The following PIP4P2 variants were observed in gnomAD, a reference collection of about 807,000 sequenced individuals.
The protein encoded by PIP4P2 is phosphatidylinositol-4,5-bisphosphate 4-phosphatase 2.
Under a neutral mutation model 33.3 loss-of-function variants are expected in PIP4P2, and 19 were observed. The ratio of observed to expected loss-of-function variants is 0.57; its 90% CI spans 0.40 to 0.84. The LOEUF (loss-of-function observed/expected upper bound fraction) is 0.84. Ranked by LOEUF, PIP4P2 falls within the 40% of genes least tolerant of loss-of-function variation. The pLI, the probability that PIP4P2 is intolerant of heterozygous loss-of-function variation, is 0.00. For missense variants in PIP4P2, 270 were observed against 324.7 expected, an observed-to-expected ratio of 0.83 and a Z score of 1.29; for synonymous variants, 110 against 111.9, an observed-to-expected ratio of 0.98 and a Z score of 0.11.
At chr8:91,016,467 C>G (rs1811915843) in intron 4 of PIP4P2, 1 of 152,106 alleles carries the variant, frequency 6.6e-6, no homozygotes. Context: ...TCAAAAGGAT[C>G]AGGTATCACA....
chr8:91,025,169 G>A (rs1334891022), intron 1 of PIP4P2, among the ~76,000 whole-genome samples: 1 of 151,468 alleles, frequency 6.6e-6, no homozygotes, highest in East Asian at 2.0e-4. Context: ...TTAAGAGGAA[G>A]AGGAGAAGGA....
chr8:91,001,239 T>C (rs1008060466), intron 5 of PIP4P2, among the ~76,000 whole-genome samples: 7 of 152,074 alleles, frequency 4.6e-5, no homozygotes, highest in African/African-American at 1.7e-4. Flanking sequence ...TCCACCAATA[T>C]TCAGATTTCT....
At chr8:91,019,878 A>G (rs1323281198) in intron 3 of PIP4P2, among the ~76,000 whole-genome samples, 1 of 152,182 alleles carries the variant, frequency 6.6e-6, no homozygotes, top group East Asian at 1.9e-4. Flanking sequence ...TTATTTTTAA[A>G]TACGTTCAAT....
chr8:91,005,973 G>A (rs1403801275), intron 5 of PIP4P2, among the ~76,000 whole-genome samples: 2 of 152,202 alleles, frequency 1.3e-5, no homozygotes, highest in Non-Finnish European at 1.5e-5. Context: ...ACAGCAATAT[G>A]AGAAAATGCC....
intron 1 of PIP4P2, among the ~76,000 whole-genome samples, chr8:91,035,841 C>G (rs957204823): frequency 2.6e-5 from 4 of 152,060 alleles, no homozygotes; most frequent in African/African-American, 9.7e-5. Flanking sequence ...CCAGCCTGGG[C>G]AAGCTGGTGA....
chr8:90,997,852 T>C (rs1811649042), intron 5 of PIP4P2, among the ~76,000 whole-genome samples: 1 of 152,096 alleles, frequency 6.6e-6, no homozygotes, highest in African/African-American at 2.4e-5. Flanking sequence ...TGATTCCAAA[T>C]AGGTTAATTT....
At chr8:91,024,232 T>C (rs1246986954) in intron 1 of PIP4P2, 1 of 360,266 alleles carries the variant, frequency 2.8e-6, no homozygotes, top group African/African-American at 2.1e-5. Flanking sequence ...AGCCTTAAAC[T>C]GATTTAGACA....
intron 1 of PIP4P2, among the ~76,000 whole-genome samples, chr8:91,026,504 G>A (rs11780153): frequency 0.44 from 66,739 of 151,938 alleles, 17,273 homozygotes; most frequent in Non-Finnish European, 0.59. Flanking sequence ...TAAGTTACTA[G>A]GTTTTAGTAA....
chr8:91,028,703 A>G (rs1812117380), intron 1 of PIP4P2, among the ~76,000 whole-genome samples: 1 of 152,196 alleles, frequency 6.6e-6, no homozygotes, highest in African/African-American at 2.4e-5. Flanking sequence ...GCAACACCAC[A>G]TCCCTGGGGA....
intron 1 of PIP4P2, among the ~76,000 whole-genome samples, chr8:91,025,323 A>C (rs1288134848): frequency 6.6e-6 from 1 of 152,184 alleles, no homozygotes; most frequent in Admixed American, 6.5e-5. Context: ...TTTCTAAAAC[A>C]CTCAAAAGGA....
intron 5 of PIP4P2, among the ~76,000 whole-genome samples, chr8:91,003,716 A>G (rs1811729936): frequency 6.6e-6 from 1 of 152,096 alleles, no homozygotes; most frequent in African/African-American, 2.4e-5. Flanking sequence ...ATTTAATGGC[A>G]TCTAAATGAC....
rs1563566376 is a variant in PIP4P2 at position 91,020,252 on chromosome 8, G to A, written c.267C>T (p.Asn89=). 2 of 1,613,576 alleles carry A rather than the reference G, an allele frequency of 1.2e-6. No individual in the cohort carries two copies. Among genetic ancestry groups the A allele is most frequent in the Non-Finnish European group, 8.5e-7 (1 of 1,179,694 alleles). ...TAACATATTTCTTGCCTGTTGGGGGGTTTTTGATTGGCTGGATAAGGGAAG... is the reference window on the plus strand; with the variant it reads ...TAACATATTTCTTGCCTGTTGGGGGATTTTTGATTGGCTGGATAAGGGAAG... The part of the protein sequence containing the change: ...TVCNEATPIK[N]PPTGKKYVRC... The change falls in exon 3 of 7, where the codon AAC becomes AAT. Residue 89 remains asparagine, a synonymous_variant. Coordinates refer to ENST00000285419, the MANE Select transcript of PIP4P2 (RefSeq NM_018710.3).
intron 4 of PIP4P2, among the ~76,000 whole-genome samples, chr8:91,013,082 CA>C (rs1293545996): frequency 1.3e-5 from 2 of 152,064 alleles, no homozygotes; most frequent in Non-Finnish European, 2.9e-5. Context: ...AAATAAAAGC[CA>C]AAATTCTAGC....
chr8:91,018,584 C>A, intron 3 of PIP4P2, 71 bp from the exon 4 acceptor site: 1 of 1,593,854 alleles, frequency 6.3e-7, no homozygotes, highest in Non-Finnish European at 8.6e-7. Context: ...CAACATATGG[C>A]CAAAAATATG....
intron 1 of PIP4P2, among the ~76,000 whole-genome samples, chr8:91,038,236 G>C (rs1812258565): frequency 6.6e-6 from 1 of 152,176 alleles, no homozygotes; most frequent in Admixed American, 6.5e-5. Flanking sequence ...TTTCATCTTG[G>C]AGGTGGGAAC....
chr8:90,996,921 T>C (rs190433468), intron 5 of PIP4P2, among the ~76,000 whole-genome samples, 177 bp from the exon 6 acceptor site: 1 of 152,246 alleles, frequency 6.6e-6, no homozygotes, highest in East Asian at 1.9e-4. Context: ...GACAAAATCG[T>C]TCAGGGTGAA....
At chr8:91,019,638 G>A (rs1172918924) in intron 3 of PIP4P2, among the ~76,000 whole-genome samples, 1 of 150,116 alleles carries the variant, frequency 6.7e-6, no homozygotes, top group East Asian at 1.9e-4. Context: ...CAGAGGCACA[G>A]TCATAGCTCA....
chr8:91,006,403 A>G (rs1811763594), intron 5 of PIP4P2, among the ~76,000 whole-genome samples: 1 of 152,220 alleles, frequency 6.6e-6, no homozygotes, highest in Non-Finnish European at 1.5e-5. Flanking sequence ...TCTTCTTCAT[A>G]TTAATACACT....
chr8:91,039,562 C>T (rs1182407677), intron 1 of PIP4P2, among the ~76,000 whole-genome samples: 1 of 152,168 alleles, frequency 6.6e-6, no homozygotes, highest in Non-Finnish European at 1.5e-5. Flanking sequence ...TTACAAGAAA[C>T]ATTACCTACT....
Sources: allele counts gnomAD v4.1 joint callset (sites outside exome capture counted in the v4.1 genomes callset), GRCh38; gene constraint gnomAD v4.1.1; transcripts MANE v1.5; gene names NCBI Gene and HGNC (gene_info 2026-07-23, HGNC 2026-07-21).